Variants in CHPF2 observed in about 807,000 individuals in gnomAD.
CHPF2 encodes chondroitin polymerizing factor 2.
CHPF2 carries 58 observed loss-of-function variants against 63.0 expected under a neutral mutation model. The observed-to-expected ratio is 0.92, with a 90% confidence interval of 0.75 to 1.15. CHPF2 has a LOEUF of 1.15. CHPF2 is among the 50% of genes most tolerant of loss of function. The probability of loss-of-function intolerance (pLI) is 0.00; values close to 1 mark genes in which losing one functional copy is unlikely to be tolerated. For synonymous variants in CHPF2, 442 were observed against 438.0 expected, an observed-to-expected ratio of 1.01 and a Z score of -0.11; for missense variants, 1,045 against 1,035.4, an observed-to-expected ratio of 1.01 and a Z score of -0.13.
intron 3 of CHPF2, among the ~76,000 whole-genome samples, 188 bp downstream of exon 3, chr7:151,236,778 G>A (rs1238475149): frequency 6.6e-6 from 1 of 152,200 alleles, no homozygotes; most frequent in Non-Finnish European, 1.5e-5. Flanking sequence ...GTCTTTGGGG[G>A]TCCAAAGCAA....
At chr7:151,236,631 G>C in intron 3 of CHPF2, 41 bp downstream of exon 3, 36 of 1,484,756 alleles carry the variant, frequency 2.4e-5, no homozygotes, top group Non-Finnish European at 3.1e-5. Flanking sequence ...ACCGCAGTCA[G>C]AGGGTCAGAG....
At position 151,238,400 on chromosome 7, in the gene CHPF2, C is replaced by T. The variant is rs749721059; in HGVS notation, c.2038C>T (p.Leu680=). ...GGGCTGCTTCTACAACGCTGACTAC[C>T]TGGCGGCCCGAGCCCGGCTGGCAGG... ...AEGCFYNADY[L]AARARLAGEL... The change falls in exon 4 of 4, where the codon CTG becomes TTG. Residue 680 remains leucine, a synonymous_variant. Coordinates refer to ENST00000035307, the MANE Select transcript of CHPF2 (RefSeq NM_019015.3). 2.1e-5 allele frequency: 34 copies of T among 1,603,368 alleles called. No homozygotes were observed. In the East Asian group the frequency reaches 4.0e-4, roughly 19 times the overall value.
chr7:151,234,075 C>T lies in CHPF2; in HGVS notation c.64C>T (p.Leu22=). The T allele has an allele frequency of 6.2e-7, 1 of 1,601,898 alleles. No individual in the cohort carries two copies. The highest frequency in any genetic ancestry group is 8.5e-7 in the Non-Finnish European group (1 of 1,174,132). The change falls in exon 1 of 4, where the codon CTG becomes TTG. Residue 22 remains leucine, a synonymous_variant. Coordinates refer to ENST00000035307, the MANE Select transcript of CHPF2 (RefSeq NM_019015.3). Reference sequence around the variant, plus strand: ...GCTTCCCCTCATCTTAGGGCTGTCTCTGGGGTGCAGCCTGAGCCTCCTGCG... The same window carrying T: ...GCTTCCCCTCATCTTAGGGCTGTCTTTGGGGTGCAGCCTGAGCCTCCTGCG... ...PALPLILGLS[L]GCSLSLLRVS... is the part of the protein sequence containing the mutation.
Position 151,233,008 on chromosome 7 carries a change from A to G in CHPF2, c.-1004A>G, listed in dbSNP as rs1023665957. The G allele has an allele frequency of 1.8e-5, 23 of 1,275,030 alleles. No homozygotes were observed. The highest frequency in any genetic ancestry group is 3.1e-5 in the African/African-American group (2 of 64,502). 79.0% of individuals were successfully genotyped at this position (1,275,030 alleles called of 1,614,324 possible). On this transcript the variant is annotated 5_prime_UTR_variant, in exon 1 of 4. Coordinates refer to ENST00000035307, the MANE Select transcript of CHPF2 (RefSeq NM_019015.3). ...GTCTCTGATCGCCGAGAGGTAGCGC[A>G]GGGGCTGTGGGCCCCCGGCAGGGGT...
chr7:151,234,976 G>C, intron 1 of CHPF2, 72 bp from the exon 2 acceptor site: 1 of 1,211,276 alleles, frequency 8.3e-7, no homozygotes, highest in Non-Finnish European at 1.2e-6. Context: ...CCTAGAGGGG[G>C]ATGTATATTC....
At position 151,232,980 on chromosome 7, in the gene CHPF2, T is replaced by G; in HGVS notation, c.-1032T>G. 1 of 1,296,694 alleles carries G rather than the reference T, an allele frequency of 7.7e-7. No individual in the cohort carries two copies. Among genetic ancestry groups the G allele is most frequent in the East Asian group, 3.2e-5 (1 of 31,674 alleles). 80.3% of individuals were successfully genotyped at this position (1,296,694 alleles called of 1,614,324 possible). On this transcript the variant is annotated 5_prime_UTR_variant, in exon 1 of 4. Coordinates refer to ENST00000035307, the MANE Select transcript of CHPF2 (RefSeq NM_019015.3). ...TCGGGTCTTCGTTCTAGGGCTAGAC[T>G]TGGTCTCTGATCGCCGAGAGGTAGC...
rs769585489 is a variant in CHPF2, at chr7:151,238,526, C to G, written c.2164C>G (p.Pro722Ala). The G allele has an allele frequency of 1.9e-6, 3 of 1,608,744 alleles. No homozygotes were observed. Among genetic ancestry groups the G allele is most frequent in the African/African-American group, 1.3e-5 (1 of 74,812 alleles). ...GCTCCACCTCTTTCGGGCCGTAGAGCCAGGGCTGGTGCAGAAGTTCTCCCT... is the reference window on the plus strand; with the variant it reads ...GCTCCACCTCTTTCGGGCCGTAGAGGCAGGGCTGGTGCAGAAGTTCTCCCT... ...SGLHLFRAVE[P>A]GLVQKFSLRD... Residue 722 changes from proline (P) to alanine (A), a missense_variant, in exon 4 of 4, where the codon CCA (proline) becomes GCA (alanine). By Grantham distance (27) the Pro-to-Ala change is conservative. Transcript: ENST00000035307.
rs1802561582 is a variant in CHPF2 at position 151,234,247 on chromosome 7, C to G, written c.236C>G (p.Pro79Arg). The G allele has an allele frequency of 1.2e-6, 2 of 1,601,322 alleles. No homozygotes were observed. The highest frequency in any genetic ancestry group is 2.7e-5 in the African/African-American group (2 of 74,432). Reference protein sequence around the residue: ...KPRIVPYYRDPNKPYKKVLRT... With the variant: ...KPRIVPYYRDRNKPYKKVLRT... Reference sequence around the variant, plus strand: ...CGGATTGTCCCCTACTACAGGGACCCCAACAAGCCCTACAAGAAGGTGCTC... The same window carrying G: ...CGGATTGTCCCCTACTACAGGGACCGCAACAAGCCCTACAAGAAGGTGCTC... The change falls in exon 1 of 4, where the codon CCC becomes CGC. Residue 79 changes from proline (P) to arginine (R), a missense_variant. Physicochemically the swap from Pro to Arg is moderately radical, Grantham distance 103. Transcript: ENST00000035307.
chr7:151,234,441 TAGAA>T (rs1323289126), intron 1 of CHPF2, among the ~76,000 whole-genome samples, 167 bp downstream of exon 1: 2 of 152,236 alleles, frequency 1.3e-5, no homozygotes, highest in Non-Finnish European at 2.9e-5. Flanking sequence ...TCTCAGGTCT[TAGAA>T]AGTCTCACAT....
Position 151,232,667 on chromosome 7 carries a change from CG to C in CHPF2, c.-1344del. ...TCCCGGGACGCCGGGAGACCCCGGC[CG>C]TCCTTTATCCGGTGTCCGCCGGCCC... On this transcript the variant is annotated 5_prime_UTR_variant, in exon 1 of 4. Coordinates refer to ENST00000035307, the MANE Select transcript of CHPF2 (RefSeq NM_019015.3). The C allele has an allele frequency of 7.8e-7, 1 of 1,276,422 alleles. No individual in the cohort carries two copies. Among genetic ancestry groups the C allele is most frequent in the Non-Finnish European group, 1.1e-6 (1 of 947,338 alleles). The allele number at this position is 1,276,422 out of a possible 1,614,324, so 79.1% of individuals were successfully genotyped here.
In CHPF2 at chr7:151,233,650, T is replaced by C; in HGVS notation, c.-362T>C. 9.8e-7 allele frequency: 1 copy of C among 1,017,376 alleles called. No individual in the cohort carries two copies. Among genetic ancestry groups the C allele is most frequent in the Non-Finnish European group, 1.2e-6 (1 of 851,634 alleles). 63.0% of individuals were successfully genotyped at this position (1,017,376 alleles called of 1,614,324 possible). A position where few individuals can be genotyped will look rare whatever the true frequency, so the allele number is the denominator to read the frequency against. Reference sequence around the variant, plus strand: ...TTGACTTAGGCCCAGTCTGCAGATGTGTGTAGTGTTCCTTTTTGGGTTAGC... The same window carrying C: ...TTGACTTAGGCCCAGTCTGCAGATGCGTGTAGTGTTCCTTTTTGGGTTAGC... On this transcript the variant is annotated 5_prime_UTR_variant, in exon 1 of 4. Transcript: ENST00000035307.
chr7:151,235,605 A>G lies in CHPF2; in HGVS notation c.821A>G (p.Gln274Arg). 6.2e-7 allele frequency: 1 copy of G among 1,603,480 alleles called. No individual in the cohort carries two copies. The highest frequency in any genetic ancestry group is 8.5e-7 in the Non-Finnish European group (1 of 1,176,314). Residue 274 changes from glutamine (Q) to arginine (R), a missense_variant, in exon 2 of 4, where the codon CAG becomes CGG. Transcript: ENST00000035307. ...IDSLGVGCVS[Q>R]HQGQQYRSFE... ...TCTCTGGGCGTCGGCTGTGTCTCAC[A>G]GCACCAGGTGACAGCTCTTTCAAGT...
rs1554485281 is a variant in CHPF2 at position 151,238,139 on chromosome 7, A to G, written c.1777A>G (p.Thr593Ala). ...KHPVDTLFFL[T>A]TVWTRPGPEV... ...CCCTGTGGACACTCTCTTCTTCCTT[A>G]CCACCGTGTGGACAAGGCCTGGGCC... is the stretch of plus-strand genomic sequence containing the variant. Residue 593 changes from threonine (T) to alanine (A), a missense_variant, in exon 4 of 4, where the codon ACC (threonine) becomes GCC (alanine). Physicochemically the swap from Thr to Ala is moderately conservative, Grantham distance 58. Coordinates refer to ENST00000035307, the MANE Select transcript of CHPF2 (RefSeq NM_019015.3). 6.2e-7 allele frequency: 1 copy of G among 1,612,402 alleles called. No homozygotes were observed. The highest frequency in any genetic ancestry group is 1.1e-5 in the South Asian group (1 of 91,086).
Position 151,238,667 on chromosome 7 carries a change from G to A in CHPF2, c.2305G>A (p.Ala769Thr), listed in dbSNP as rs766570231. The change falls in exon 4 of 4, where the codon GCC (alanine) becomes ACC (threonine). Residue 769 changes from alanine (A) to threonine (T), a missense_variant. Coordinates refer to ENST00000035307, the MANE Select transcript of CHPF2 (RefSeq NM_019015.3). ...TATGGCTCTCTTTGAGCAGGAGCAG[G>A]CCAATAGCACTTAGCCCGCCTGGGG... ...LAMALFEQEQ[A>T]NST 8.7e-6 allele frequency: 14 copies of A among 1,610,208 alleles called. No homozygotes were observed. The highest frequency in any genetic ancestry group is 1.2e-5 in the Non-Finnish European group (14 of 1,178,518).
rs570512685 is a variant in CHPF2, at chr7:151,234,043, G to T, written c.32G>T (p.Arg11Leu). The change falls in exon 1 of 4, where the codon CGG becomes CTG. Residue 11 changes from arginine to leucine, a missense_variant. By Grantham distance (102) the Arg-to-Leu change is moderately radical (BLOSUM62 -2). Coordinates refer to ENST00000035307, the MANE Select transcript of CHPF2 (RefSeq NM_019015.3). ...CTGAGCTCCCTGTTGGCTCTGCTGC[G>T]GCCAGCGCTTCCCCTCATCTTAGGG... The part of the protein sequence containing the change: MRLSSLLALL[R>L]PALPLILGLS... 19 of 1,549,724 alleles carry T rather than the reference G, an allele frequency of 1.2e-5. No homozygotes were observed. Among genetic ancestry groups the T allele is most frequent in the Admixed American group, 2.0e-5 (1 of 50,960 alleles).
Position 151,235,233 on chromosome 7 carries a change from C to T in CHPF2, c.449C>T (p.Ser150Phe), listed in dbSNP as rs758691067. Residue 150 changes from serine (S) to phenylalanine (F), a missense_variant, in exon 2 of 4, where the codon TCT (serine) becomes TTT (phenylalanine). Physicochemically the swap from Ser to Phe is radical, Grantham distance 155 (BLOSUM62 -2). Transcript: ENST00000035307. ...ARAPAGMQVVSHGDERPAWLM... is the reference protein window; with the variant it reads ...ARAPAGMQVVFHGDERPAWLM... ...GCTCCAGCAGGGATGCAGGTGGTGT[C>T]TCATGGGGATGAGCGGCCCGCCTGG... is the stretch of plus-strand genomic sequence containing the variant. 1 of 1,613,316 alleles carries T rather than the reference C, an allele frequency of 6.2e-7. No individual in the cohort carries two copies. The highest frequency in any genetic ancestry group is 1.3e-5 in the African/African-American group (1 of 75,048).
Position 151,233,813 on chromosome 7 carries a change from G to C in CHPF2, c.-199G>C, listed in dbSNP as rs1802545749. The C allele has an allele frequency of 2.4e-6, 3 of 1,242,732 alleles. No individual in the cohort carries two copies. The highest frequency in any genetic ancestry group is 1.5e-5 in the African/African-American group (1 of 64,678). 77.0% of individuals were successfully genotyped at this position (1,242,732 alleles called of 1,614,324 possible). On this transcript the variant is annotated 5_prime_UTR_variant, in exon 1 of 4. Transcript: ENST00000035307. ...CCGACACCTTCACAGTTGAAGAGCA[G>C]GCAGAAGGAGTTGTGAAGACAGGAC...
Position 151,237,649 on chromosome 7 carries a change from G to C in CHPF2, c.1287G>C (p.Leu429=), listed in dbSNP as rs760225077. 6.2e-7 allele frequency: 1 copy of C among 1,613,344 alleles called. No individual in the cohort carries two copies. The highest frequency in any genetic ancestry group is 2.2e-5 in the East Asian group (1 of 44,886). ...QPRLRFQKQR[L]LNGYRRFDPA... is the part of the protein sequence containing the mutation. ...GCCTGCGCTTCCAGAAGCAGCGACT[G>C]CTCAACGGCTATCGGCGCTTCGACC... The change falls in exon 4 of 4, where the codon CTG becomes CTC. Residue 429 remains leucine, a synonymous_variant. Coordinates refer to ENST00000035307, the MANE Select transcript of CHPF2 (RefSeq NM_019015.3).
rs1802514395 is a variant in CHPF2 at position 151,232,927 on chromosome 7, GT to G, written c.-1081del. On this transcript the variant is annotated 5_prime_UTR_variant, in exon 1 of 4. Coordinates refer to ENST00000035307, the MANE Select transcript of CHPF2 (RefSeq NM_019015.3). ...CCGGTGACGTGGCCAGTTTATTTCT[GT>G]TTTGAGACGAACGGCGAAGACTCGC... 1.5e-6 allele frequency: 2 copies of G among 1,343,054 alleles called. No individual in the cohort carries two copies. Among genetic ancestry groups the G allele is most frequent in the Non-Finnish European group, 1.9e-6 (2 of 1,049,228 alleles). The allele number at this position is 1,343,054 out of a possible 1,614,324, so 83.2% of individuals were successfully genotyped here.
Sources: allele counts gnomAD v4.1 joint callset (sites outside exome capture counted in the v4.1 genomes callset), GRCh38; gene constraint gnomAD v4.1.1; transcripts MANE v1.5; gene names NCBI Gene and HGNC (gene_info 2026-07-23, HGNC 2026-07-21).